The following SHLD1 variants were observed in gnomAD, a reference collection of about 807,000 sequenced individuals.
SHLD1 encodes shieldin complex subunit 1.
Under a neutral mutation model 5.5 loss-of-function variants are expected in SHLD1, and 3 were observed. The ratio of observed to expected loss-of-function variants is 0.54; its 90% CI spans 0.25 to 1.40. SHLD1 has a LOEUF of 1.40. Among genes scored for constraint, SHLD1 ranks in the 40% most tolerant of loss-of-function variants. The pLI is 0.15. For missense variants in SHLD1, 210 were observed against 244.4 expected, an observed-to-expected ratio of 0.86 and a Z score of 0.94; for synonymous variants, 92 against 94.3, an observed-to-expected ratio of 0.98 and a Z score of 0.14.
chr20:5,783,226 G>C (rs568442975), intron 2 of SHLD1, among the ~76,000 whole-genome samples: 1 of 152,126 alleles, frequency 6.6e-6, no homozygotes, highest in East Asian at 1.9e-4. Context: ...TGGGGTTTTT[G>C]TTGTTGTTGT....
intron 2 of SHLD1, among the ~76,000 whole-genome samples, chr20:5,796,392 T>C (rs922894058): frequency 5.5e-5 from 8 of 145,598 alleles, no homozygotes; most frequent in Non-Finnish European, 1.1e-4. Flanking sequence ...AAACTATGAT[T>C]TGAGTTGCCC....
intron 2 of SHLD1, among the ~76,000 whole-genome samples, chr20:5,839,478 TA>T (rs1052699687): frequency 1.7e-5 from 2 of 117,438 alleles, no homozygotes; most frequent in African/African-American, 6.9e-5. Context: ...ATGGATAAAT[TA>T]GATAGAAAGA....
At chr20:5,835,456 T>A (rs1490895044) in intron 2 of SHLD1, among the ~76,000 whole-genome samples, 1 of 152,200 alleles carries the variant, frequency 6.6e-6, no homozygotes, top group Non-Finnish European at 1.5e-5. Context: ...ACCTGCCAAG[T>A]ACCATCTACT....
chr20:5,833,874 C>G (rs1389502046), intron 2 of SHLD1, among the ~76,000 whole-genome samples: 2 of 152,168 alleles, frequency 1.3e-5, no homozygotes. Context: ...AGATTCACAT[C>G]TTTGTCATTT....
At chr20:5,854,006 ATTT>A (rs758512977) in intron 2 of SHLD1, among the ~76,000 whole-genome samples, 2 of 137,766 alleles carry the variant, frequency 1.5e-5, no homozygotes. Context: ...TGCTCAGCTA[ATTT>A]TTTTTTTTTT....
chr20:5,764,058 C>T (rs1600095717), intron 1 of SHLD1, among the ~76,000 whole-genome samples: 2 of 143,828 alleles, frequency 1.4e-5, no homozygotes, highest in Admixed American at 7.0e-5. Context: ...ACCCAGGAGG[C>T]GGAGGCTGCT....
intron 2 of SHLD1, among the ~76,000 whole-genome samples, chr20:5,794,173 C>T (rs1390427552): frequency 2.0e-5 from 3 of 152,202 alleles, no homozygotes; most frequent in Non-Finnish European, 4.4e-5. Flanking sequence ...AGTGACTGCA[C>T]TTCACTCTTT....
At position 5,843,352 on chromosome 20, in the gene SHLD1, C is replaced by CT. The variant is rs1196777792; in HGVS notation, c.179-19664dup. Among the ~76,000 whole-genome samples, 39 of 129,034 alleles carry CT rather than the reference C, an allele frequency of 3.0e-4. 1 individual carries two copies. Among genetic ancestry groups the CT allele is most frequent in the East Asian group, 4.6e-4 (2 of 4,392 alleles). 84.7% of individuals were successfully genotyped at this position (129,034 alleles called of 152,430 possible). A position where few individuals can be genotyped will look rare whatever the true frequency, so the allele number is the denominator to read the frequency against. ...AGGTTAAATCTTGGGGCAGATATTT[C>CT]TTTTTTTTCTCTCTCTCTCTACCCA... On this transcript the variant is annotated intron_variant, in intron 2 of 2. Transcript: ENST00000303142.
intron 1 of SHLD1, among the ~76,000 whole-genome samples, chr20:5,762,321 C>T (rs1984514184): frequency 6.6e-6 from 1 of 151,956 alleles, no homozygotes; most frequent in South Asian, 2.1e-4. Context: ...TTTTTCACAA[C>T]ATGCATTTAA....
chr20:5,751,598 C>T (rs890475287), intron 1 of SHLD1, among the ~76,000 whole-genome samples: 4 of 152,168 alleles, frequency 2.6e-5, no homozygotes, highest in African/African-American at 4.8e-5. Context: ...AGCCACCACG[C>T]CCGGCTATCT....
chr20:5,821,340 C>T (rs569052171), intron 2 of SHLD1, among the ~76,000 whole-genome samples: 2 of 151,932 alleles, frequency 1.3e-5, no homozygotes, highest in African/African-American at 4.8e-5. Flanking sequence ...TGGTGAAACC[C>T]CGTTTCTACT....
At chr20:5,776,444 A>G (rs1378079910) in intron 2 of SHLD1, among the ~76,000 whole-genome samples, 1 of 152,110 alleles carries the variant, frequency 6.6e-6, no homozygotes, top group East Asian at 1.9e-4. Flanking sequence ...CACTAATGCC[A>G]TCATGAGGCT....
intron 1 of SHLD1, among the ~76,000 whole-genome samples, chr20:5,754,927 A>G (rs1257445701): frequency 6.6e-6 from 1 of 152,126 alleles, no homozygotes; most frequent in African/African-American, 2.4e-5. Context: ...GTGGTGGCAC[A>G]TGCCTGTAAT....
At chr20:5,814,993 T>C (rs143466453) in intron 2 of SHLD1, among the ~76,000 whole-genome samples, 13 of 152,242 alleles carry the variant, frequency 8.5e-5, no homozygotes, top group African/African-American at 2.9e-4. Flanking sequence ...ACCAGAGGAT[T>C]GGAAGGAAAC....
intron 1 of SHLD1, among the ~76,000 whole-genome samples, chr20:5,771,288 G>A (rs771465364): frequency 6.6e-6 from 1 of 152,180 alleles, no homozygotes; most frequent in Admixed American, 6.5e-5. Flanking sequence ...GACTTGCTGT[G>A]TATGGTATCT....
intron 2 of SHLD1, among the ~76,000 whole-genome samples, chr20:5,861,160 T>C (rs1163875612): frequency 6.6e-6 from 1 of 152,240 alleles, no homozygotes; most frequent in African/African-American, 2.4e-5. Flanking sequence ...TGGCCTTTTG[T>C]TCATCAACTC....
chr20:5,813,268 ACCT>A (rs1350911479), intron 2 of SHLD1, among the ~76,000 whole-genome samples: 2 of 151,974 alleles, frequency 1.3e-5, no homozygotes, highest in African/African-American at 2.4e-5. Flanking sequence ...CAGGCGGATC[ACCT>A]GAGCTAAGGA....
intron 2 of SHLD1, among the ~76,000 whole-genome samples, chr20:5,829,152 A>C (rs1476477813): frequency 3.9e-5 from 6 of 152,178 alleles, no homozygotes; most frequent in Non-Finnish European, 8.8e-5. Flanking sequence ...CTGGGATTAC[A>C]GGTGTGAGCC....
chr20:5,754,663 AT>A lies in SHLD1; in HGVS notation c.-5+4185del, dbSNP rs1983961356. 5.3e-5 allele frequency among the ~76,000 whole-genome samples: 8 copies of A among 152,314 alleles called. No homozygotes were observed. The South Asian group carries it at 1.7e-3, about 32-fold the overall frequency. On this transcript the variant is annotated intron_variant, in intron 1 of 2. Coordinates refer to ENST00000303142, the MANE Select transcript of SHLD1 (RefSeq NM_152504.4). ...GGTTTTATACATTTTAGGCCTCAAAATGTATAAATGTTTGGGGAGAGGGTTT... is the reference window on the plus strand; with the variant it reads ...GGTTTTATACATTTTAGGCCTCAAAAGTATAAATGTTTGGGGAGAGGGTTT...
Sources: allele counts gnomAD v4.1 joint callset (sites outside exome capture counted in the v4.1 genomes callset), GRCh38; gene constraint gnomAD v4.1.1; transcripts MANE v1.5; gene names NCBI Gene and HGNC (gene_info 2026-07-23, HGNC 2026-07-21).